The following RIT2 variants were observed in gnomAD, a reference collection of about 807,000 sequenced individuals.
The protein encoded by RIT2 is Ras like without CAAX 2.
A neutral mutation model predicts 23.7 loss-of-function variants in RIT2; 24 were observed. That is an observed-to-expected ratio of 1.01 (90% CI 0.73 to 1.43). The LOEUF (loss-of-function observed/expected upper bound fraction) is 1.43, where lower values mean the gene tolerates loss of function less well. RIT2 is among the 40% of genes most tolerant of loss of function. RIT2 has a pLI of 0.00. For missense variants in RIT2, 236 were observed against 266.9 expected (o/e 0.88, Z 0.81); for synonymous variants, 107 against 91.1 (o/e 1.17, Z -0.99).
intron 4 of RIT2, among the ~76,000 whole-genome samples, chr18:42,830,615 G>A (rs1381573968): frequency 6.6e-6 from 1 of 152,122 alleles, no homozygotes; most frequent in East Asian, 1.9e-4. Context: ...ACTAAATCAA[G>A]ACAGGAATTT....
chr18:42,875,819 C>G (rs1907731061), intron 4 of RIT2, among the ~76,000 whole-genome samples: 1 of 151,954 alleles, frequency 6.6e-6, no homozygotes, highest in African/African-American at 2.4e-5. Flanking sequence ...CTAATCTTTT[C>G]AATCTTAACA....
intron 3 of RIT2, among the ~76,000 whole-genome samples, chr18:42,966,843 C>T (rs1038880950): frequency 1.3e-5 from 2 of 151,454 alleles, no homozygotes; most frequent in African/African-American, 4.8e-5. Flanking sequence ...TATATATGAT[C>T]TATATGCTTC....
chr18:42,901,894 C>T (rs976237671), intron 4 of RIT2, among the ~76,000 whole-genome samples: 3 of 151,786 alleles, frequency 2.0e-5, no homozygotes, highest in Admixed American at 6.6e-5. Context: ...AAAATATCCT[C>T]CCTTTTCTGA....
At chr18:42,821,313 A>G (rs1432220068) in intron 4 of RIT2, among the ~76,000 whole-genome samples, 1 of 152,134 alleles carries the variant, frequency 6.6e-6, no homozygotes, top group Non-Finnish European at 1.5e-5. Context: ...AGAAGGAGTG[A>G]TGAACAAAAA....
In RIT2 at chr18:43,074,723, G is replaced by T. The variant is rs139458371; in HGVS notation, c.103+40694C>A. 7.2e-3 allele frequency among the ~76,000 whole-genome samples: 1,090 copies of T among 152,290 alleles called. 12 individuals are homozygous for T. Among genetic ancestry groups the T allele is most frequent in the African/African-American group, 0.025 (1,025 of 41,546 alleles). Reference sequence around the variant, plus strand: ...ATGGAATACGATGCAGCCATAAAAAGGAATGAGATCATGTCCTTTGCAGGG... The same window carrying T: ...ATGGAATACGATGCAGCCATAAAAATGAATGAGATCATGTCCTTTGCAGGG... On this transcript the variant is annotated intron_variant, in intron 1 of 4. Transcript: ENST00000326695.
chr18:42,910,163 G>T (rs978897625), intron 4 of RIT2, among the ~76,000 whole-genome samples: 1 of 152,054 alleles, frequency 6.6e-6, no homozygotes, highest in African/African-American at 2.4e-5. Flanking sequence ...GTTAGGCCAA[G>T]ATACATACAG....
At chr18:42,912,022 T>A (rs1598711544) in intron 4 of RIT2, among the ~76,000 whole-genome samples, 1 of 151,914 alleles carries the variant, frequency 6.6e-6, no homozygotes, top group East Asian at 1.9e-4. Flanking sequence ...TTAACTTAGA[T>A]GAAAATAATT....
intron 4 of RIT2, among the ~76,000 whole-genome samples, chr18:42,842,317 C>G (rs1007479129): frequency 6.6e-6 from 1 of 152,062 alleles, no homozygotes; most frequent in African/African-American, 2.4e-5. Context: ...AGCCTTGAGC[C>G]TCGTATTATC....
chr18:42,761,187 C>T (rs1427746950), intron 4 of RIT2, among the ~76,000 whole-genome samples: 2 of 152,032 alleles, frequency 1.3e-5, no homozygotes, highest in African/African-American at 4.8e-5. Context: ...CCTTGTTTTC[C>T]TTCATTATCC....
chr18:42,943,194 G>C (rs1444503636), intron 3 of RIT2, among the ~76,000 whole-genome samples: 1 of 152,048 alleles, frequency 6.6e-6, no homozygotes, highest in Non-Finnish European at 1.5e-5. Flanking sequence ...CTATCAGAAT[G>C]CCCTTTTTTC....
At chr18:43,073,310 G>A (rs141906954) in intron 1 of RIT2, among the ~76,000 whole-genome samples, 1 of 152,074 alleles carries the variant, frequency 6.6e-6, no homozygotes, top group Non-Finnish European at 1.5e-5. Context: ...TTTTTGAAAG[G>A]GTGCTATCAT....
chr18:42,913,384 A>G (rs939904410), intron 4 of RIT2, among the ~76,000 whole-genome samples: 1 of 151,900 alleles, frequency 6.6e-6, no homozygotes, highest in Non-Finnish European at 1.5e-5. Context: ...AAATCAATAC[A>G]TCGAGTTCAT....
At chr18:42,988,351 T>C (rs1910761866) in intron 2 of RIT2, among the ~76,000 whole-genome samples, 1 of 152,164 alleles carries the variant, frequency 6.6e-6, no homozygotes, top group South Asian at 2.1e-4. Context: ...ATTTGACTAA[T>C]TTTTTTCCAA....
intron 4 of RIT2, among the ~76,000 whole-genome samples, chr18:42,867,817 T>C (rs1907514323): frequency 6.6e-6 from 1 of 152,110 alleles, no homozygotes; most frequent in South Asian, 2.1e-4. Flanking sequence ...AAAAGTGCTA[T>C]CACTTCCTTC....
chr18:42,928,917 T>C (rs1909251825), intron 3 of RIT2, among the ~76,000 whole-genome samples: 1 of 151,290 alleles, frequency 6.6e-6, no homozygotes, highest in African/African-American at 2.4e-5. Context: ...TATCATGGAA[T>C]ACTGCTTGCA....
chr18:42,767,733 C>T (rs1208733587), intron 4 of RIT2, among the ~76,000 whole-genome samples: 3 of 152,098 alleles, frequency 2.0e-5, no homozygotes, highest in Admixed American at 2.0e-4. Context: ...TACCAGAATT[C>T]CCACATGTTT....
chr18:43,023,934 T>C (rs1198481691), intron 2 of RIT2, among the ~76,000 whole-genome samples: 1 of 152,040 alleles, frequency 6.6e-6, no homozygotes, highest in Non-Finnish European at 1.5e-5. Flanking sequence ...TTAAGAAAAG[T>C]ATTCCAGGAA....
chr18:43,082,920 G>A (rs757233218), intron 1 of RIT2, among the ~76,000 whole-genome samples: 5 of 152,110 alleles, frequency 3.3e-5, no homozygotes, highest in African/African-American at 7.2e-5. Context: ...TATTCAGATA[G>A]GAAGAGAGGA....
rs775422376 is a variant in RIT2 at position 42,974,104 on chromosome 18, A to G, written c.204T>C (p.Ala68=). The change falls in exon 3 of 5, where the codon GCT becomes GCC. Residue 68 remains alanine, a synonymous_variant. Transcript: ENST00000326695. ...KTQVRIDNEP[A]YLDILDTAGQ... Reference sequence around the variant, plus strand: ...CAGCAGTGTCCAAGATGTCCAAGTAAGCTGGCTCATTGTCAATCCTGACCT... The same window carrying G: ...CAGCAGTGTCCAAGATGTCCAAGTAGGCTGGCTCATTGTCAATCCTGACCT... The G allele has an allele frequency of 6.2e-7, 1 of 1,611,676 alleles. No homozygotes were observed.
Sources: gnomAD v4.1 joint callset for allele counts (sites outside exome capture counted in the v4.1 genomes callset) on GRCh38, gnomAD v4.1.1 for gene constraint, MANE v1.5 for transcripts, NCBI Gene and HGNC (gene_info 2026-07-23, HGNC 2026-07-21) for gene names.